The following DNAJB13 variants were observed in gnomAD, a reference collection of about 807,000 sequenced individuals.
DNAJB13 encodes the protein DnaJ heat shock protein family (Hsp40) member B13.
DNAJB13 carries 22 observed loss-of-function variants against 35.6 expected under a neutral mutation model. The ratio of observed to expected loss-of-function variants is 0.62; its 90% confidence interval spans 0.44 to 0.88. The LOEUF (loss-of-function observed/expected upper bound fraction) is 0.88. Ranked by LOEUF, DNAJB13 falls within the 40% of genes least tolerant of loss-of-function variation. The pLI is 0.00. For synonymous variants in DNAJB13, 136 were observed against 144.2 expected (o/e 0.94, Z 0.41); for missense variants, 370 against 384.3 (o/e 0.96, Z 0.31).
intron 2 of DNAJB13, 23 bp downstream of exon 2, chr11:73,958,443 A>C: frequency 1.2e-6 from 2 of 1,602,152 alleles, no homozygotes; most frequent in Non-Finnish European, 1.7e-6. Context: ...GGGGCTGAGC[A>C]CCCCGCTTGA....
intron 5 of DNAJB13, among the ~76,000 whole-genome samples, chr11:73,966,631 C>G (rs1322663120): frequency 6.6e-6 from 1 of 152,038 alleles, no homozygotes; most frequent in African/African-American, 2.4e-5. Context: ...ACAGGAGCTA[C>G]TCAGAAACCA....
chr11:73,960,382 A>G (rs1950897428), intron 3 of DNAJB13, among the ~76,000 whole-genome samples: 1 of 152,096 alleles, frequency 6.6e-6, no homozygotes, highest in Non-Finnish European at 1.5e-5. Context: ...TGGTTTCACC[A>G]TGTCTGCCAG....
At chr11:73,968,555 A>G in intron 6 of DNAJB13, 97 bp downstream of exon 6, 3 of 953,200 alleles carry the variant, frequency 3.1e-6, no homozygotes, top group Non-Finnish European at 4.8e-6. Context: ...ACCACCTGCC[A>G]TCAGTCACTA....
At chr11:73,968,112 T>A (rs1162812156) in intron 5 of DNAJB13, 1 of 504,246 alleles carries the variant, frequency 2.0e-6, no homozygotes, top group African/African-American at 1.9e-5. Context: ...GCTGAGTGTG[T>A]CTATTTTGGG....
At chr11:73,965,201 A>G in intron 4 of DNAJB13, 166 bp downstream of exon 4, 1 of 801,614 alleles carries the variant, frequency 1.2e-6, no homozygotes, top group Non-Finnish European at 1.9e-6. Flanking sequence ...GAAATTCGGA[A>G]GGGACAGTTG....
chr11:73,959,451 C>T (rs1371777424), intron 2 of DNAJB13, 43 bp from the exon 3 acceptor site: 1 of 1,582,864 alleles, frequency 6.3e-7, no homozygotes, highest in Non-Finnish European at 8.6e-7. Context: ...CCTATCTCAG[C>T]CCCCAAAGTT....
chr11:73,959,665 C>T lies in DNAJB13; in HGVS notation c.334+10C>T, dbSNP rs577291859. On this transcript the variant is annotated intron_variant, in intron 3 of 7. Coordinates refer to ENST00000339764, the MANE Select transcript of DNAJB13 (RefSeq NM_153614.4). ...AACAACCCCTTCAGTGGTAAGAGGTCTTCCTCCCCCACCTTGCCTTATAGA... is the reference window on the plus strand; with the variant it reads ...AACAACCCCTTCAGTGGTAAGAGGTTTTCCTCCCCCACCTTGCCTTATAGA... The T allele has an allele frequency of 6.2e-7, 1 of 1,610,776 alleles. No individual in the cohort carries two copies. Among genetic ancestry groups the T allele is most frequent in the Admixed American group, 1.7e-5 (1 of 59,900 alleles).
chr11:73,968,511 C>A, intron 6 of DNAJB13, 53 bp downstream of exon 6: 1 of 1,494,342 alleles, frequency 6.7e-7, no homozygotes, highest in Non-Finnish European at 9.2e-7. Context: ...TGAGCCCTGC[C>A]TGCCCCGGCC....
At chr11:73,958,500 G>T in intron 2 of DNAJB13, 80 bp downstream of exon 2, 1 of 1,285,930 alleles carries the variant, frequency 7.8e-7, no homozygotes. Context: ...TTCTGAGGGG[G>T]CCCAATAACG....
At chr11:73,959,700 C>A (rs369841866) in intron 3 of DNAJB13, 45 bp downstream of exon 3, 2 of 1,500,100 alleles carry the variant, frequency 1.3e-6, no homozygotes, top group South Asian at 1.4e-5. Flanking sequence ...AGAAAGGACA[C>A]TGCTATAAGT....
chr11:73,969,914 G>A, intron 7 of DNAJB13, 47 bp from the exon 8 acceptor site: 1 of 1,563,376 alleles, frequency 6.4e-7, no homozygotes. Context: ...CTGCTGAGGT[G>A]CTGCTCTGGG....
chr11:73,962,339 T>C (rs1184924385), intron 3 of DNAJB13, among the ~76,000 whole-genome samples: 4 of 134,458 alleles, frequency 3.0e-5, no homozygotes, highest in Non-Finnish European at 4.5e-5. Flanking sequence ...GGTGGATGCA[T>C]GAAATGAAGG....
intron 1 of DNAJB13, among the ~76,000 whole-genome samples, chr11:73,954,516 G>C (rs542211378): frequency 9.4e-4 from 142 of 151,362 alleles, no homozygotes; most frequent in African/African-American, 3.0e-3. Context: ...TGTAGTCCCA[G>C]CTACTCGGGA....
chr11:73,964,549 C>T, intron 3 of DNAJB13: 1 of 300,392 alleles, frequency 3.3e-6, no homozygotes, highest in Non-Finnish European at 6.2e-6. Context: ...GTTACGGTAT[C>T]CGAGTTGTGA....
At chr11:73,958,033 C>T (rs539235605) in intron 1 of DNAJB13, among the ~76,000 whole-genome samples, 2 of 152,306 alleles carry the variant, frequency 1.3e-5, no homozygotes, top group Admixed American at 6.5e-5. Context: ...AGGAATGGGC[C>T]AGCCCTGGTA....
In DNAJB13 at chr11:73,969,988, G is replaced by C; in HGVS notation, c.825G>C (p.Gly275=). ...CCAAATACTTCAAGAAGGTGCCAGG[G>C]GAGGGGATGCCATTGCCGGAGGACC... ...IHPKYFKKVP[G]EGMPLPEDPT... Residue 275 remains glycine (G), a synonymous_variant, in exon 8 of 8, where the codon GGG becomes GGC. Coordinates refer to ENST00000339764, the MANE Select transcript of DNAJB13 (RefSeq NM_153614.4). The C allele has an allele frequency of 6.2e-7, 1 of 1,611,348 alleles. No individual in the cohort carries two copies. The highest frequency in any genetic ancestry group is 8.5e-7 in the Non-Finnish European group (1 of 1,178,636).
rs371177631 is a variant in DNAJB13 at position 73,954,629 on chromosome 11, CA to C, written c.68+3504del. 5.0e-3 allele frequency among the ~76,000 whole-genome samples: 561 copies of C among 111,640 alleles called. 3 individuals are homozygous for C. Among genetic ancestry groups the C allele is most frequent in the South Asian group, 0.016 (59 of 3,612 alleles). 73.2% of individuals were successfully genotyped at this position (111,640 alleles called of 152,430 possible). The stretch of plus-strand genomic sequence containing the variant: ...TGGGCAACAGAGTGAGACTCCGTCT[CA>C]AAAAAAAAAAATAAAATAAATAAAT... On this transcript the variant is annotated intron_variant, in intron 1 of 7. Coordinates refer to ENST00000339764, the MANE Select transcript of DNAJB13 (RefSeq NM_153614.4).
chr11:73,954,112 G>A (rs1950665837), intron 1 of DNAJB13, among the ~76,000 whole-genome samples: 2 of 148,720 alleles, frequency 1.3e-5, no homozygotes, highest in Admixed American at 6.7e-5. Flanking sequence ...ACCACTTGAG[G>A]TCAGGAGTTT....
In DNAJB13 at chr11:73,953,995, TAATAA is replaced by T. The variant is rs71065057; in HGVS notation, c.68+2864_68+2868del. 1.6e-3 allele frequency among the ~76,000 whole-genome samples: 190 copies of T among 116,176 alleles called. 1 individual carries two copies. The highest frequency in any genetic ancestry group is 3.6e-3 in the African/African-American group (97 of 26,910). The allele number at this position is 116,176 out of a possible 152,430, so 76.2% of individuals were successfully genotyped here. ...GAGCGAGACTCTGTCTCAAAAATAA[TAATAA>T]AATAATAATAATAATAATAATAATA... is the stretch of plus-strand genomic sequence containing the variant. On this transcript the variant is annotated intron_variant, in intron 1 of 7. Coordinates refer to ENST00000339764, the MANE Select transcript of DNAJB13 (RefSeq NM_153614.4).
Sources: allele counts gnomAD v4.1 joint callset (sites outside exome capture counted in the v4.1 genomes callset), GRCh38; gene constraint gnomAD v4.1.1; transcripts MANE v1.5; gene names NCBI Gene and HGNC (gene_info 2026-07-23, HGNC 2026-07-21).